FOXO1: variants seen among roughly 807,000 people sequenced by gnomAD.
FOXO1 encodes forkhead box O1, also known as forkhead box protein O1.
Under a neutral mutation model 44.1 loss-of-function variants are expected in FOXO1, and 6 were observed. The ratio of observed to expected loss-of-function variants is 0.14; its 90% confidence interval spans 0.07 to 0.27. The LOEUF is 0.27. Among genes scored for constraint, FOXO1 ranks in the 10% least tolerant of loss-of-function variants. The pLI is 1.00. For missense variants in FOXO1, 737 were observed against 888.8 expected (o/e 0.83, Z 2.17); for synonymous variants, 380 against 362.7 (o/e 1.05, Z -0.54).
Position 40,666,636 on chromosome 13 carries a change from G to A in FOXO1, c.-424C>T, listed in dbSNP as rs927911759. On this transcript the variant is annotated 5_prime_UTR_variant, in exon 1 of 3. Coordinates refer to ENST00000379561, the MANE Select transcript of FOXO1 (RefSeq NM_002015.4). ...GCGACTACCAGGCCGCCCGACTTACGGGATCTGCCGCCGCCCCCCGCCCGC... is the reference window on the plus strand; with the variant it reads ...GCGACTACCAGGCCGCCCGACTTACAGGATCTGCCGCCGCCCCCCGCCCGC... 1 of 173,386 alleles carries A rather than the reference G, an allele frequency of 5.8e-6. No individual in the cohort carries two copies. The highest frequency in any genetic ancestry group is 1.2e-5 in the Non-Finnish European group (1 of 80,896). 10.7% of individuals were successfully genotyped at this position (173,386 alleles called of 1,614,324 possible).
intron 1 of FOXO1, among the ~76,000 whole-genome samples, chr13:40,639,241 G>A (rs535383570): frequency 4.4e-4 from 67 of 152,060 alleles, no homozygotes; most frequent in Non-Finnish European, 7.2e-4. Flanking sequence ...AATGAAAAGG[G>A]AAGCAGGGAT....
At position 40,560,984 on chromosome 13, in the gene FOXO1, G is replaced by A. The variant is rs1304977321; in HGVS notation, c.631-124C>T. On this transcript the variant is annotated intron_variant, in intron 1 of 2. Coordinates refer to ENST00000379561, the MANE Select transcript of FOXO1 (RefSeq NM_002015.4). The surrounding 1 kb of genome is among the most constrained non-coding windows in gnomAD (Gnocchi z 5.1). ...GAGTGTGTGCTACAGATTTCCATCT[G>A]AACAGTCCTAATGGCTCTGAAGCCA... 1 of 908,462 alleles carries A rather than the reference G, an allele frequency of 1.1e-6. No homozygotes were observed. Among genetic ancestry groups the A allele is most frequent in the South Asian group, 1.7e-5 (1 of 57,370 alleles). 56.3% of individuals were successfully genotyped at this position (908,462 alleles called of 1,614,324 possible). A position where few individuals can be genotyped will look rare whatever the true frequency, so the allele number is the denominator to read the frequency against.
chr13:40,637,181 C>T (rs984313491), intron 1 of FOXO1, among the ~76,000 whole-genome samples: 34 of 152,256 alleles, frequency 2.2e-4, no homozygotes, highest in African/African-American at 7.2e-4. Context: ...CGGTGGCTCA[C>T]GTCTGTAATC....
At chr13:40,564,958 C>T in intron 1 of FOXO1, among the ~76,000 whole-genome samples, 1 of 150,624 alleles carries the variant, frequency 6.6e-6, no homozygotes, top group Non-Finnish European at 1.5e-5. Flanking sequence ...TCGGGGAACC[C>T]CGACATGGTG....
intron 1 of FOXO1, among the ~76,000 whole-genome samples, chr13:40,637,939 T>C (rs569888239): frequency 2.0e-5 from 3 of 152,320 alleles, no homozygotes; most frequent in South Asian, 4.1e-4. Flanking sequence ...TTTATCTGTA[T>C]TACAGATGAG....
In FOXO1 at chr13:40,560,381, G is replaced by A; in HGVS notation, c.1110C>T (p.Asn370=). ...TGAGATTATCCAAAAGATTTTCCAT[G>A]TTTTCGGGATTGCTTATCTCAGACA... ...PSLSEISNPE[N]MENLLDNLNL... The change falls in exon 2 of 3, where the codon AAC becomes AAT. Residue 370 remains asparagine (N), a synonymous_variant. Transcript: ENST00000379561. This position sits in a 1 kb window ranked among gnomAD's most constrained non-coding sequence, Gnocchi z 5.1. 6.2e-7 allele frequency: 1 copy of A among 1,614,154 alleles called. No individual in the cohort carries two copies. The highest frequency in any genetic ancestry group is 8.5e-7 in the Non-Finnish European group (1 of 1,180,040).
chr13:40,562,273 G>C (rs2137825703), intron 1 of FOXO1, among the ~76,000 whole-genome samples: 1 of 152,328 alleles, frequency 6.6e-6, no homozygotes, highest in South Asian at 2.1e-4. Flanking sequence ...AGAAATGACA[G>C]AGAACGCAAA....
chr13:40,655,757 C>T (rs973270553), intron 1 of FOXO1, among the ~76,000 whole-genome samples: 3 of 149,528 alleles, frequency 2.0e-5, no homozygotes, highest in Non-Finnish European at 4.4e-5. Context: ...ATTTTCGTGC[C>T]TCAGTCTCCC....
chr13:40,605,672 T>A (rs149218187), intron 1 of FOXO1, among the ~76,000 whole-genome samples: 3 of 152,342 alleles, frequency 2.0e-5, no homozygotes, highest in Admixed American at 6.5e-5. Context: ...CTCTGTTTTT[T>A]CCTGGTTCCA....
chr13:40,608,205 G>T (rs886887431), intron 1 of FOXO1, among the ~76,000 whole-genome samples: 1 of 152,120 alleles, frequency 6.6e-6, no homozygotes, highest in Admixed American at 6.5e-5. Context: ...TCACTCCCTG[G>T]TAATTGTATT....
intron 1 of FOXO1, among the ~76,000 whole-genome samples, chr13:40,590,435 T>G (rs529315495): frequency 2.0e-4 from 30 of 152,330 alleles, no homozygotes; most frequent in African/African-American, 7.0e-4. Flanking sequence ...CTTTCCAAAA[T>G]GACCATTAAC....
intron 1 of FOXO1, among the ~76,000 whole-genome samples, chr13:40,621,692 A>G (rs980906055): frequency 3.3e-5 from 5 of 152,242 alleles, no homozygotes; most frequent in African/African-American, 1.2e-4. Flanking sequence ...ATAGCACAGC[A>G]GACTTTACTT....
chr13:40,577,825 G>A (rs1874817304), intron 1 of FOXO1, among the ~76,000 whole-genome samples: 1 of 151,976 alleles, frequency 6.6e-6, no homozygotes, highest in South Asian at 2.1e-4. Context: ...GAACAGAAGA[G>A]GAGAAAAGAT....
Position 40,557,718 on chromosome 13 carries a change from G to C in FOXO1, c.*1331C>G, listed in dbSNP as rs531480991. On this transcript the variant is annotated 3_prime_UTR_variant, in exon 3 of 3. Coordinates refer to ENST00000379561, the MANE Select transcript of FOXO1 (RefSeq NM_002015.4). ...CCACCTGGACTGAAACAAGAGCAAA[G>C]AATTATGAGGGGAAACTTTTGCTAA... 31 of 152,338 alleles carry C rather than the reference G, an allele frequency of 2.0e-4. No individual in the cohort carries two copies. Among genetic ancestry groups the C allele is most frequent in the African/African-American group, 7.0e-4 (29 of 41,576 alleles). The allele number at this position is 152,338 out of a possible 1,614,324, so 9.4% of individuals were successfully genotyped here. A position where few individuals can be genotyped will look rare whatever the true frequency, so the allele number is the denominator to read the frequency against.
intron 1 of FOXO1, among the ~76,000 whole-genome samples, chr13:40,605,282 A>AT (rs57158258): frequency 1.3e-5 from 2 of 151,960 alleles, no homozygotes; most frequent in Non-Finnish European, 2.9e-5. Flanking sequence ...CGACCATATC[A>AT]TTTTTTTTCC....
At chr13:40,620,903 AT>A (rs1202662155) in intron 1 of FOXO1, among the ~76,000 whole-genome samples, 1 of 146,724 alleles carries the variant, frequency 6.8e-6, no homozygotes, top group Non-Finnish European at 1.5e-5. Flanking sequence ...GGTTCAAGCT[AT>A]TCTCCCATCT....
At chr13:40,601,606 T>C (rs1425160418) in intron 1 of FOXO1, among the ~76,000 whole-genome samples, 2 of 152,216 alleles carry the variant, frequency 1.3e-5, no homozygotes, top group African/African-American at 4.8e-5. Context: ...AATTGTCCAA[T>C]ATACTAAATA....
intron 1 of FOXO1, among the ~76,000 whole-genome samples, chr13:40,639,278 G>A (rs1052223914): frequency 1.3e-5 from 2 of 152,110 alleles, no homozygotes; most frequent in East Asian, 3.8e-4. Context: ...AGCCAGCAGA[G>A]TGACTCATCT....
chr13:40,575,507 G>C (rs1874711315), intron 1 of FOXO1, among the ~76,000 whole-genome samples: 1 of 152,150 alleles, frequency 6.6e-6, no homozygotes, highest in Admixed American at 6.5e-5. Context: ...ACAAACCAAA[G>C]ATCAATTTTT....
Sources: gnomAD v4.1 joint callset for allele counts (sites outside exome capture counted in the v4.1 genomes callset) on GRCh38, gnomAD v4.1.1 for gene constraint, Gnocchi (gnomAD v3.1) non-coding constraint, MANE v1.5 for transcripts, NCBI Gene and HGNC (gene_info 2026-07-23, HGNC 2026-07-21) for gene names.